Variants in NUDCD3 observed in about 807,000 individuals in gnomAD.
NUDCD3 encodes the protein NudC domain containing 3, also known as nudC domain-containing protein 3.
Under a neutral mutation model 39.7 loss-of-function variants are expected in NUDCD3, and 13 were observed. That is an observed-to-expected ratio of 0.33 (90% CI 0.21 to 0.52). The LOEUF (loss-of-function observed/expected upper bound fraction) is 0.52. Ranked by LOEUF, NUDCD3 falls within the 20% of genes least tolerant of loss-of-function variation. The pLI, the probability that NUDCD3 is intolerant of heterozygous loss-of-function variation, is 0.96. For missense variants in NUDCD3, 453 were observed against 458.1 expected (o/e 0.99, Z 0.10); for synonymous variants, 175 against 172.4 (o/e 1.02, Z -0.12).
rs115914347 is a variant in NUDCD3 at position 44,427,798 on chromosome 7, C to A, written c.510-95G>T. 8.8e-4 allele frequency: 1,155 copies of A among 1,309,022 alleles called. 10 individuals carry two copies. The African/African-American group carries it at 0.015, about 17-fold the overall frequency. The allele number at this position is 1,309,022 out of a possible 1,614,324, so 81.1% of individuals were successfully genotyped here. ...CCATGCCACTCCTACATCCTGGAGA[C>A]GTGACCAACTCAAGTTTCATCTCAA... On this transcript the variant is annotated intron_variant, in intron 2 of 5. Transcript: ENST00000355451.
chr7:44,480,214 T>C (rs1319465558), intron 2 of NUDCD3, among the ~76,000 whole-genome samples: 5 of 152,216 alleles, frequency 3.3e-5, no homozygotes, highest in Admixed American at 1.3e-4. Context: ...AAGTAGCTAT[T>C]CTAGTCTATT....
intron 3 of NUDCD3, among the ~76,000 whole-genome samples, chr7:44,406,349 T>C (rs925691613): frequency 6.6e-5 from 10 of 152,242 alleles, no homozygotes; most frequent in African/African-American, 2.4e-4. Context: ...AATAGGCAAC[T>C]GAGCTTCACT....
intron 2 of NUDCD3, among the ~76,000 whole-genome samples, chr7:44,434,161 G>C (rs1799422154): frequency 6.6e-6 from 1 of 152,104 alleles, no homozygotes; most frequent in African/African-American, 2.4e-5. Flanking sequence ...CTTCCTAGGA[G>C]TGTTCACTCC....
At chr7:44,388,174 G>A (rs944306038) in intron 5 of NUDCD3, among the ~76,000 whole-genome samples, 5 of 152,192 alleles carry the variant, frequency 3.3e-5, no homozygotes, top group African/African-American at 1.2e-4. Context: ...TGAAATCTTG[G>A]CAAATTTAGA....
chr7:44,459,915 A>G (rs961083910), intron 2 of NUDCD3, among the ~76,000 whole-genome samples: 1 of 152,252 alleles, frequency 6.6e-6, no homozygotes, highest in African/African-American at 2.4e-5. Flanking sequence ...GAGTTTTAAC[A>G]TAATATCAAT....
chr7:44,388,849 G>T (rs2116856452), intron 5 of NUDCD3, among the ~76,000 whole-genome samples: 1 of 152,378 alleles, frequency 6.6e-6, no homozygotes, highest in East Asian at 1.9e-4. Flanking sequence ...TCAAGGGTCA[G>T]GATGCTGCCC....
chr7:44,477,221 G>A (rs951167492), intron 2 of NUDCD3, among the ~76,000 whole-genome samples: 2 of 152,168 alleles, frequency 1.3e-5, no homozygotes, highest in South Asian at 2.1e-4. Flanking sequence ...CCCAGGGCAG[G>A]AGGAATGGCC....
At chr7:44,477,702 CCT>C in intron 2 of NUDCD3, among the ~76,000 whole-genome samples, 1 of 152,312 alleles carries the variant, frequency 6.6e-6, no homozygotes, top group Admixed American at 6.5e-5. Context: ...ACTTTGCGCC[CCT>C]CTCTTCCACA....
intron 2 of NUDCD3, among the ~76,000 whole-genome samples, chr7:44,453,481 G>C (rs947809024): frequency 3.9e-5 from 6 of 152,172 alleles, no homozygotes; most frequent in Admixed American, 3.3e-4. Flanking sequence ...AAAGGAGAAA[G>C]CACTAAATCA....
At chr7:44,437,284 G>C (rs764368911) in intron 2 of NUDCD3, among the ~76,000 whole-genome samples, 3 of 151,652 alleles carry the variant, frequency 2.0e-5, no homozygotes, top group Non-Finnish European at 4.4e-5. Flanking sequence ...TGGTCAGGCT[G>C]GTCTCAAACT....
At chr7:44,476,932 G>C (rs1486383341) in intron 2 of NUDCD3, among the ~76,000 whole-genome samples, 1 of 152,158 alleles carries the variant, frequency 6.6e-6, no homozygotes, top group Non-Finnish European at 1.5e-5. Flanking sequence ...TACCTACGGA[G>C]ACCAAGTCAG....
At position 44,484,997 on chromosome 7, in the gene NUDCD3, T is replaced by A. The variant is rs1437679039; in HGVS notation, c.480A>T (p.Glu160Asp). The change falls in exon 2 of 6, where the codon GAA becomes GAT. Residue 160 changes from glutamate (E) to aspartate (D), a missense_variant. Coordinates refer to ENST00000355451, the MANE Select transcript of NUDCD3 (RefSeq NM_015332.4). The stretch of plus-strand genomic sequence containing the variant: ...GAAGAATTGGTGGTTCCCTAGGGAC[T>A]TCAGCAGCACCAGCAACTGCTCCTG... ...EAPGAVAGAA[E>D]VPREPPILPR... 9 of 1,613,560 alleles carry A rather than the reference T, an allele frequency of 5.6e-6. No individual in the cohort carries two copies. Among genetic ancestry groups the A allele is most frequent in the African/African-American group, 1.3e-5 (1 of 74,932 alleles).
chr7:44,428,367 C>T (rs933394250), intron 2 of NUDCD3, among the ~76,000 whole-genome samples: 20 of 151,312 alleles, frequency 1.3e-4, no homozygotes, highest in African/African-American at 4.4e-4. Flanking sequence ...ACCTGGGAGG[C>T]GGAGGTTGCA....
intron 4 of NUDCD3, among the ~76,000 whole-genome samples, chr7:44,399,235 G>A (rs1798678465): frequency 6.6e-6 from 1 of 152,192 alleles, no homozygotes. Flanking sequence ...GTTTCCTTGG[G>A]CTACCGCCTT....
intron 2 of NUDCD3, among the ~76,000 whole-genome samples, chr7:44,446,938 T>G (rs1277871608): frequency 6.6e-6 from 1 of 152,224 alleles, no homozygotes; most frequent in Admixed American, 6.5e-5. Flanking sequence ...CATTTGAGAA[T>G]TCTCTGTAGT....
chr7:44,470,337 T>C (rs1451052957), intron 2 of NUDCD3, among the ~76,000 whole-genome samples: 1 of 152,150 alleles, frequency 6.6e-6, no homozygotes, highest in East Asian at 1.9e-4. Flanking sequence ...AAAGACCAGA[T>C]AACAGGCTCC....
At chr7:44,390,524 A>G (rs1349043312) in intron 5 of NUDCD3, among the ~76,000 whole-genome samples, 1 of 136,850 alleles carries the variant, frequency 7.3e-6, no homozygotes, top group Non-Finnish European at 1.7e-5. Flanking sequence ...ACCTGACCTT[A>G]GTCCCTCCAT....
chr7:44,397,963 G>A (rs1394891648), intron 4 of NUDCD3, among the ~76,000 whole-genome samples: 5 of 152,018 alleles, frequency 3.3e-5, no homozygotes, highest in Non-Finnish European at 7.4e-5. Context: ...ACTCATGTGT[G>A]CACACCCAGC....
chr7:44,441,330 A>C (rs1346026616), intron 2 of NUDCD3, among the ~76,000 whole-genome samples: 1 of 152,218 alleles, frequency 6.6e-6, no homozygotes, highest in Non-Finnish European at 1.5e-5. Flanking sequence ...TTCTTAGACT[A>C]AACTACTTTG....
Sources: gnomAD v4.1 joint callset for allele counts (sites outside exome capture counted in the v4.1 genomes callset) on GRCh38, gnomAD v4.1.1 for gene constraint, MANE v1.5 for transcripts, NCBI Gene and HGNC (gene_info 2026-07-23, HGNC 2026-07-21) for gene names.